Variants in GNL1 observed in about 807,000 individuals in gnomAD.
GNL1 encodes guanine nucleotide-binding protein-like 1.
A neutral mutation model predicts 75.2 loss-of-function variants in GNL1; 21 were observed. The ratio of observed to expected loss-of-function variants is 0.28; its 90% CI spans 0.20 to 0.40. The LOEUF (loss-of-function observed/expected upper bound fraction) is 0.40. Ranked by LOEUF, GNL1 falls within the 10% of genes least tolerant of loss-of-function variation. GNL1 has a pLI of 1.00. For missense variants in GNL1, 579 were observed against 775.0 expected, an observed-to-expected ratio of 0.75 and a Z score of 3.00; for synonymous variants, 287 against 303.4, an observed-to-expected ratio of 0.95 and a Z score of 0.56.
In GNL1 at chr6:30,554,714, T is replaced by C. The variant is rs771793818; in HGVS notation, c.528+50A>G. On this transcript the variant is annotated intron_variant, in intron 4 of 11. Transcript: ENST00000376621. ...CTCTCCAGCCTGATCCCAAACCAAT[T>C]TGACCATAGGTCACTATGCCCCACT... is the stretch of plus-strand genomic sequence containing the variant. The C allele has an allele frequency of 2.1e-5, 33 of 1,604,798 alleles. No individual in the cohort carries two copies. The South Asian group carries it at 2.6e-4, about 13-fold the overall frequency.
rs1179266715 is a variant in GNL1 at position 30,553,173 on chromosome 6, T to G, written c.815A>C (p.Lys272Thr). 2.5e-6 allele frequency: 4 copies of G among 1,611,996 alleles called. No homozygotes were observed. The South Asian group carries it at 4.4e-5, about 18-fold the overall frequency. The change falls in exon 7 of 12, where the codon AAG becomes ACG. Residue 272 changes from lysine (K) to threonine (T), a missense_variant. Coordinates refer to ENST00000376621, the MANE Select transcript of GNL1 (RefSeq NM_005275.5). ...TCCTCTCCCCCGCCTCCGACTCTTC[T>G]TCAAGACTGAGATCAGAGGGCACAA... The part of the protein sequence containing the change: ...RTPQDPSSVL[K>T]KSRRRGRGWT...
chr6:30,549,207 C>A (rs529644824), intron 8 of GNL1, among the ~76,000 whole-genome samples: 8 of 152,214 alleles, frequency 5.3e-5, no homozygotes, highest in Admixed American at 5.2e-4. Context: ...CCATGTTGGC[C>A]AGGCTGGTCT....
At position 30,543,225 on chromosome 6, in the gene GNL1, A is replaced by T. The variant is rs552619880; in HGVS notation, c.*2847T>A. The T allele has an allele frequency of 6.6e-6, 1 of 152,362 alleles. No homozygotes were observed. The highest frequency in any genetic ancestry group is 2.1e-4 in the South Asian group (1 of 4,830). 9.4% of individuals were successfully genotyped at this position (152,362 alleles called of 1,614,324 possible). A position where few individuals can be genotyped will look rare whatever the true frequency, so the allele number is the denominator to read the frequency against. The stretch of plus-strand genomic sequence containing the variant: ...TGTTTTGGCAGTCTGACATAACTTT[A>T]TACTAATGCAGCTTCTAGCCCTGTC... On this transcript the variant is annotated 3_prime_UTR_variant, in exon 12 of 12. Coordinates refer to ENST00000376621, the MANE Select transcript of GNL1 (RefSeq NM_005275.5).
At position 30,543,827 on chromosome 6, in the gene GNL1, A is replaced by G. The variant is rs1799304914; in HGVS notation, c.*2245T>C. On this transcript the variant is annotated 3_prime_UTR_variant, in exon 12 of 12. Coordinates refer to ENST00000376621, the MANE Select transcript of GNL1 (RefSeq NM_005275.5). The stretch of plus-strand genomic sequence containing the variant: ...AGCAGGACTATAATCCCATCTGGAA[A>G]AAGGGAAACTTGGAAGTTGACATCT... 6.6e-6 allele frequency: 1 copy of G among 152,188 alleles called. No individual in the cohort carries two copies. Among genetic ancestry groups the G allele is most frequent in the Non-Finnish European group, 1.5e-5 (1 of 68,024 alleles). The allele number at this position is 152,188 out of a possible 1,614,324, so 9.4% of individuals were successfully genotyped here.
At position 30,556,031 on chromosome 6, in the gene GNL1, C is replaced by A; in HGVS notation, c.73+100G>T. The A allele has an allele frequency of 7.0e-7, 1 of 1,438,178 alleles. No homozygotes were observed. The highest frequency in any genetic ancestry group is 9.6e-7 in the Non-Finnish European group (1 of 1,040,496). 89.1% of individuals were successfully genotyped at this position (1,438,178 alleles called of 1,614,324 possible). ...GGCCGCGAGGGTTGACGCGGTCCCA[C>A]GACCCCCTCCCACGATCCCCAGAGG... On this transcript the variant is annotated intron_variant, in intron 1 of 11. Coordinates refer to ENST00000376621, the MANE Select transcript of GNL1 (RefSeq NM_005275.5). The surrounding 1 kb of genome is among the most constrained non-coding windows in gnomAD (Gnocchi z 5.7).
rs1293257583 is a variant in GNL1 at position 30,555,109 on chromosome 6, C to A, written c.322G>T (p.Val108Phe). The A allele has an allele frequency of 1.2e-6, 2 of 1,613,062 alleles. No homozygotes were observed. The highest frequency in any genetic ancestry group is 1.7e-6 in the Non-Finnish European group (2 of 1,180,022). Residue 108 changes from valine to phenylalanine, a missense_variant, in exon 3 of 12, where the codon GTC becomes TTC. Coordinates refer to ENST00000376621, the MANE Select transcript of GNL1 (RefSeq NM_005275.5). This position sits in a 1 kb window ranked among gnomAD's most constrained non-coding sequence, Gnocchi z 4.3. ...RAAREQVLQP[V>F]SAELLELDIR... is the part of the protein sequence containing the mutation. ...TCCAGCTCCAACAACTCAGCACTGA[C>A]CGGCTGTAGAACTTGCTCCCGGGCT...
Position 30,544,853 on chromosome 6 carries a change from C to T in GNL1, c.*1219G>A, listed in dbSNP as rs1245170396. 1 of 152,146 alleles carries T rather than the reference C, an allele frequency of 6.6e-6. No homozygotes were observed. Among genetic ancestry groups the T allele is most frequent in the Non-Finnish European group, 1.5e-5 (1 of 68,024 alleles). 9.4% of individuals were successfully genotyped at this position (152,146 alleles called of 1,614,324 possible). ...AAAAGGAGTCTGGTACTTCTCACTC[C>T]ATCTAGTGGGCAACCTGTCCAACTA... On this transcript the variant is annotated 3_prime_UTR_variant, in exon 12 of 12. Transcript: ENST00000376621.
In GNL1 at chr6:30,552,238, A is replaced by C. The variant is rs575120444; in HGVS notation, c.1099+229T>G. On this transcript the variant is annotated intron_variant, in intron 8 of 11. Transcript: ENST00000376621. This position sits in a 1 kb window ranked among gnomAD's most constrained non-coding sequence, Gnocchi z 4.5. ...AAAGTAACTAAGACTCAGAGTAGCA[A>C]AATCACTTACTCAAGACCTCACAGC... 34 of 489,056 alleles carry C rather than the reference A, an allele frequency of 7.0e-5. No individual in the cohort carries two copies. In the East Asian group the frequency reaches 8.1e-4, roughly 12 times the overall value. 30.3% of individuals were successfully genotyped at this position (489,056 alleles called of 1,614,324 possible). A position where few individuals can be genotyped will look rare whatever the true frequency, so the allele number is the denominator to read the frequency against.
rs776286156 is a variant in GNL1 at position 30,555,750 on chromosome 6, T to C, written c.74-30A>G. On this transcript the variant is annotated intron_variant, in intron 1 of 11. Coordinates refer to ENST00000376621, the MANE Select transcript of GNL1 (RefSeq NM_005275.5). The surrounding 1 kb of genome is among the most constrained non-coding windows in gnomAD (Gnocchi z 4.3). Reference sequence around the variant, plus strand: ...GGGGAGGGGCCGGTGACGCCAGTGCTGGCCAGCTCTCAGGGGCCATAAGAC... The same window carrying C: ...GGGGAGGGGCCGGTGACGCCAGTGCCGGCCAGCTCTCAGGGGCCATAAGAC... 3 of 1,608,962 alleles carry C rather than the reference T, an allele frequency of 1.9e-6. No individual in the cohort carries two copies. The highest frequency in any genetic ancestry group is 2.2e-5 in the East Asian group (1 of 44,830).
rs956619018 is a variant in GNL1 at position 30,555,422 on chromosome 6, G to A, written c.239+133C>T. ...AAAGGAAGACTGTGGCCCGCTGTGG[G>A]GAGCCGAGTGGCTAGCGGAGAACTG... On this transcript the variant is annotated intron_variant, in intron 2 of 11. Transcript: ENST00000376621. This position sits in a 1 kb window ranked among gnomAD's most constrained non-coding sequence, Gnocchi z 4.3. 3 of 1,010,714 alleles carry A rather than the reference G, an allele frequency of 3.0e-6. No homozygotes were observed. In the Admixed American group the frequency reaches 6.5e-5, roughly 22 times the overall value. 62.6% of individuals were successfully genotyped at this position (1,010,714 alleles called of 1,614,324 possible).
In GNL1 at chr6:30,543,750, A is replaced by C. The variant is rs995167937; in HGVS notation, c.*2322T>G. On this transcript the variant is annotated 3_prime_UTR_variant, in exon 12 of 12. Transcript: ENST00000376621. ...ATCAATGATTGTAAGAAGTGAACAA[A>C]GGGCCAGATAATTGAACTATCCTGG... 1.3e-5 allele frequency: 2 copies of C among 152,202 alleles called. No individual in the cohort carries two copies. Among genetic ancestry groups the C allele is most frequent in the African/African-American group, 4.8e-5 (2 of 41,450 alleles). The allele number at this position is 152,202 out of a possible 1,614,324, so 9.4% of individuals were successfully genotyped here. A position where few individuals can be genotyped will look rare whatever the true frequency, so the allele number is the denominator to read the frequency against.
At position 30,556,035 on chromosome 6, in the gene GNL1, C is replaced by A. The variant is rs1582520705; in HGVS notation, c.73+96G>T. The stretch of plus-strand genomic sequence containing the variant: ...GCGAGGGTTGACGCGGTCCCACGAC[C>A]CCCTCCCACGATCCCCAGAGGTGCA... On this transcript the variant is annotated intron_variant, in intron 1 of 11. Transcript: ENST00000376621. This position sits in a 1 kb window ranked among gnomAD's most constrained non-coding sequence, Gnocchi z 5.7. The A allele has an allele frequency of 8.9e-6, 13 of 1,464,516 alleles. No individual in the cohort carries two copies. Among genetic ancestry groups the A allele is most frequent in the Non-Finnish European group, 1.2e-5 (13 of 1,062,346 alleles). The allele number at this position is 1,464,516 out of a possible 1,614,324, so 90.7% of individuals were successfully genotyped here. A position where few individuals can be genotyped will look rare whatever the true frequency, so the allele number is the denominator to read the frequency against.
At position 30,544,682 on chromosome 6, in the gene GNL1, T is replaced by C. The variant is rs2127363248; in HGVS notation, c.*1390A>G. On this transcript the variant is annotated 3_prime_UTR_variant, in exon 12 of 12. Coordinates refer to ENST00000376621, the MANE Select transcript of GNL1 (RefSeq NM_005275.5). ...GGAGTTATGTCCACACTGAGACCAA[T>C]GGAGATGAACCTAAAGCAATATGTG... 1 of 152,350 alleles carries C rather than the reference T, an allele frequency of 6.6e-6. No individual in the cohort carries two copies. Among genetic ancestry groups the C allele is most frequent in the East Asian group, 1.9e-4 (1 of 5,196 alleles). The allele number at this position is 152,350 out of a possible 1,614,324, so 9.4% of individuals were successfully genotyped here.
Position 30,555,072 on chromosome 6 carries a change from ACCT to A in GNL1, c.356_358del (p.Glu119del). ...TCACTCACCTGAGCCAGGCTGATAC[ACCT>A]CCCGGATGTCCAGCTCCAACAACTC... is the stretch of plus-strand genomic sequence containing the variant. On this transcript the variant is annotated inframe_deletion, in exon 3 of 12. Transcript: ENST00000376621. The surrounding 1 kb of genome is among the most constrained non-coding windows in gnomAD (Gnocchi z 4.3). 6.2e-7 allele frequency: 1 copy of A among 1,612,386 alleles called. No individual in the cohort carries two copies. Among genetic ancestry groups the A allele is most frequent in the Non-Finnish European group, 8.5e-7 (1 of 1,179,896 alleles).
Position 30,553,127 on chromosome 6 carries a change from TG to T in GNL1, c.860del (p.Pro287GlnfsTer5). On this transcript the variant is annotated frameshift_variant, in exon 7 of 12. Transcript: ENST00000376621. LOFTEE classifies it high-confidence loss of function. ...RGRGWTRALG[P>X]EQLLRACEAI... ...CTTCACAGGCTCTCAGCAACTGCTC[TG>T]GCCCCAGGGCCCGAGTCCATCCTCT... is the stretch of plus-strand genomic sequence containing the variant. 2 of 1,613,900 alleles carry T rather than the reference TG, an allele frequency of 1.2e-6. No homozygotes were observed. Among genetic ancestry groups the T allele is most frequent in the Non-Finnish European group, 1.7e-6 (2 of 1,179,778 alleles).
In GNL1 at chr6:30,542,435, G is replaced by C. The variant is rs905694122; in HGVS notation, c.*3637C>G. ...CTGCTCCCCACACCTATATGTTGAT[G>C]ATGCCCAAATCTCTGTCTCCAGCCA... On this transcript the variant is annotated 3_prime_UTR_variant, in exon 12 of 12. Transcript: ENST00000376621. The surrounding 1 kb of genome is among the most constrained non-coding windows in gnomAD (Gnocchi z 4.5). 1.3e-5 allele frequency: 2 copies of C among 152,324 alleles called. No homozygotes were observed. Among genetic ancestry groups the C allele is most frequent in the Non-Finnish European group, 2.9e-5 (2 of 68,120 alleles). 9.4% of individuals were successfully genotyped at this position (152,324 alleles called of 1,614,324 possible). A position where few individuals can be genotyped will look rare whatever the true frequency, so the allele number is the denominator to read the frequency against.
rs189150033 is a variant in GNL1, at chr6:30,544,408, T to A, written c.*1664A>T. On this transcript the variant is annotated 3_prime_UTR_variant, in exon 12 of 12. Transcript: ENST00000376621. ...CCATATTTTGAGGAAATGAATCCAA[T>A]GTCCTCACCCCACCTCCTGCAGCGG... 6.6e-6 allele frequency: 1 copy of A among 152,270 alleles called. No individual in the cohort carries two copies. The highest frequency in any genetic ancestry group is 1.5e-5 in the Non-Finnish European group (1 of 68,072). 9.4% of individuals were successfully genotyped at this position (152,270 alleles called of 1,614,324 possible).
rs565517610 is a variant in GNL1, at chr6:30,552,835, G to A, written c.905-174C>T. ...AAAGTCATTTGACCCTACCCTCCCT[G>A]GAATCACGCACGTTTCTCTGAGCTT... On this transcript the variant is annotated intron_variant, in intron 7 of 11. Transcript: ENST00000376621. The surrounding 1 kb of genome is among the most constrained non-coding windows in gnomAD (Gnocchi z 4.5). 6.6e-6 allele frequency among the ~76,000 whole-genome samples: 1 copy of A among 152,258 alleles called. No individual in the cohort carries two copies. Among genetic ancestry groups the A allele is most frequent in the Non-Finnish European group, 1.5e-5 (1 of 68,020 alleles).
intron 8 of GNL1, among the ~76,000 whole-genome samples, chr6:30,549,843 T>G (rs1378542603): frequency 2.0e-5 from 3 of 150,304 alleles, no homozygotes; most frequent in Non-Finnish European, 3.0e-5. Context: ...TTTTTTTTTT[T>G]GACGAAGTCT....
Sources: allele counts gnomAD v4.1 joint callset (sites outside exome capture counted in the v4.1 genomes callset), GRCh38; gene constraint gnomAD v4.1.1; non-coding constraint Gnocchi (gnomAD v3.1); transcripts MANE v1.5; gene names NCBI Gene and HGNC (gene_info 2026-07-23, HGNC 2026-07-21).